The following ARID2 variants were observed in gnomAD, a reference collection of about 807,000 sequenced individuals.
ARID2 encodes the protein AT-rich interaction domain 2.
A neutral mutation model predicts 184.6 loss-of-function variants in ARID2; 32 were observed. The observed-to-expected ratio is 0.17, with a 90% confidence interval of 0.13 to 0.23. The LOEUF (loss-of-function observed/expected upper bound fraction) is 0.23. Among genes scored for constraint, ARID2 ranks in the 10% least tolerant of loss-of-function variants. The pLI, the probability that ARID2 is intolerant of heterozygous loss-of-function variation, is 1.00. For synonymous variants in ARID2, 836 were observed against 772.6 expected, an observed-to-expected ratio of 1.08 and a Z score of -1.36; for missense variants, 1,696 against 2,197.6, an observed-to-expected ratio of 0.77 and a Z score of 4.56.
intron 16 of ARID2, among the ~76,000 whole-genome samples, chr12:45,876,240 A>G (rs1460175269): frequency 1.3e-5 from 2 of 152,232 alleles, no homozygotes; most frequent in African/African-American, 4.8e-5. Flanking sequence ...CAGCCAGTCA[A>G]TGGAGTACTC....
chr12:45,748,945 A>G (rs1941409635), intron 3 of ARID2, among the ~76,000 whole-genome samples: 1 of 152,134 alleles, frequency 6.6e-6, no homozygotes, highest in Admixed American at 6.5e-5. Flanking sequence ...CTCCACTGTA[A>G]TCTTGAAGCC....
intron 16 of ARID2, among the ~76,000 whole-genome samples, chr12:45,866,701 T>C (rs1943836878): frequency 6.6e-6 from 1 of 152,222 alleles, no homozygotes; most frequent in South Asian, 2.1e-4. Flanking sequence ...AAATAGACTA[T>C]TTTGAGAGCA....
chr12:45,741,258 C>T (rs1941249364), intron 3 of ARID2, among the ~76,000 whole-genome samples: 1 of 152,122 alleles, frequency 6.6e-6, no homozygotes, highest in Admixed American at 6.5e-5. Flanking sequence ...AGTACAGTGA[C>T]ACAAATCATG....
chr12:45,807,615 C>A (rs1372857819), intron 3 of ARID2, among the ~76,000 whole-genome samples: 1 of 151,992 alleles, frequency 6.6e-6, no homozygotes, highest in Non-Finnish European at 1.5e-5. Flanking sequence ...AAAATTAGTT[C>A]TAATTTTACA....
Position 45,906,681 on chromosome 12 carries a change from A to G in ARID2, c.*1603A>G, listed in dbSNP as rs928666077. 1 of 231,990 alleles carries G rather than the reference A, an allele frequency of 4.3e-6. No individual in the cohort carries two copies. Among genetic ancestry groups the G allele is most frequent in the Non-Finnish European group, 8.5e-6 (1 of 117,436 alleles). 14.4% of individuals were successfully genotyped at this position (231,990 alleles called of 1,614,324 possible). A position where few individuals can be genotyped will look rare whatever the true frequency, so the allele number is the denominator to read the frequency against. On this transcript the variant is annotated 3_prime_UTR_variant, in exon 21 of 21. Coordinates refer to ENST00000334344, the MANE Select transcript of ARID2 (RefSeq NM_152641.4). Reference sequence around the variant, plus strand: ...TGATAACATATTAAATAGAGAACAAATAAGAGAGGTCCTTTACATGACAAA... The same window carrying G: ...TGATAACATATTAAATAGAGAACAAGTAAGAGAGGTCCTTTACATGACAAA...
chr12:45,818,220 T>C (rs1337846998), intron 5 of ARID2, among the ~76,000 whole-genome samples: 20 of 152,180 alleles, frequency 1.3e-4, no homozygotes, highest in Admixed American at 1.3e-3. Flanking sequence ...CTATTACTGC[T>C]AATGTGTGGC....
intron 3 of ARID2, among the ~76,000 whole-genome samples, chr12:45,776,724 C>A (rs149425752): frequency 2.0e-5 from 3 of 149,722 alleles, no homozygotes; most frequent in Non-Finnish European, 4.4e-5. Flanking sequence ...CCAAGGCGGA[C>A]AGATCGTTTG....
rs56133410 is a variant in ARID2, at chr12:45,735,418, C to CGTGTGTGTGTGTGT, written c.284+4133_284+4146dup. Among the ~76,000 whole-genome samples, 25 of 141,398 alleles carry CGTGTGTGTGTGTGT rather than the reference C, an allele frequency of 1.8e-4. 1 individual carries two copies. Among genetic ancestry groups the CGTGTGTGTGTGTGT allele is most frequent in the Middle Eastern group, 3.6e-3 (1 of 280 alleles). 92.8% of individuals were successfully genotyped at this position (141,398 alleles called of 152,430 possible). A position where few individuals can be genotyped will look rare whatever the true frequency, so the allele number is the denominator to read the frequency against. ...TCAAATTTAACTTTATAAACTGTATCGTGTGTGTGTGTGTGTGTGTGTGTG... is the reference window on the plus strand; with the variant it reads ...TCAAATTTAACTTTATAAACTGTATCGTGTGTGTGTGTGTGTGTGTGTGTGTGTGTGTGTGTGTG... On this transcript the variant is annotated intron_variant, in intron 3 of 20. Coordinates refer to ENST00000334344, the MANE Select transcript of ARID2 (RefSeq NM_152641.4).
chr12:45,734,933 AAG>A (rs1565576089), intron 3 of ARID2, among the ~76,000 whole-genome samples: 1 of 152,280 alleles, frequency 6.6e-6, no homozygotes, highest in South Asian at 2.1e-4. Context: ...TTTTTTTGGA[AAG>A]GGGGTGAAAT....
At chr12:45,896,268 T>TC (rs2136465318) in intron 20 of ARID2, among the ~76,000 whole-genome samples, 1 of 152,264 alleles carries the variant, frequency 6.6e-6, no homozygotes, top group Non-Finnish European at 1.5e-5. Flanking sequence ...GGGCAAGGAT[T>TC]CCCTGTATGC....
chr12:45,899,533 G>GTA (rs1944419527), intron 20 of ARID2, among the ~76,000 whole-genome samples: 1 of 149,544 alleles, frequency 6.7e-6, no homozygotes, highest in Non-Finnish European at 1.5e-5. Context: ...GTGAACACAG[G>GTA]AGGCGGAGCT....
chr12:45,759,594 C>G (rs1941636092), intron 3 of ARID2, among the ~76,000 whole-genome samples: 1 of 152,086 alleles, frequency 6.6e-6, no homozygotes, highest in Non-Finnish European at 1.5e-5. Flanking sequence ...TATGTATATT[C>G]AGCTATGTCC....
intron 10 of ARID2, 112 bp from the exon 11 acceptor site, chr12:45,839,217 T>A: frequency 9.6e-7 from 1 of 1,045,434 alleles, no homozygotes; most frequent in Non-Finnish European, 1.3e-6. Flanking sequence ...CTGTGATTCA[T>A]GGACTAGCAT....
chr12:45,808,572 T>C (rs1284059070), intron 3 of ARID2, among the ~76,000 whole-genome samples: 1 of 152,120 alleles, frequency 6.6e-6, no homozygotes, highest in African/African-American at 2.4e-5. Flanking sequence ...TTTATATATA[T>C]AATATATATG....
At chr12:45,839,151 G>A (rs554851253) in intron 10 of ARID2, among the ~76,000 whole-genome samples, 178 bp from the exon 11 acceptor site, 9 of 151,720 alleles carry the variant, frequency 5.9e-5, no homozygotes, top group East Asian at 1.9e-4. Flanking sequence ...GGTGTGAGCC[G>A]CCACGCCCAG....
At chr12:45,795,272 A>G (rs1222351653) in intron 3 of ARID2, among the ~76,000 whole-genome samples, 5 of 151,952 alleles carry the variant, frequency 3.3e-5, no homozygotes, top group East Asian at 1.9e-4. Flanking sequence ...CCATTGTACA[A>G]TCACCTCAAG....
chr12:45,799,683 T>A (rs548431703), intron 3 of ARID2, among the ~76,000 whole-genome samples: 22 of 152,210 alleles, frequency 1.4e-4, no homozygotes, highest in South Asian at 8.3e-4. Flanking sequence ...AATAAGAGAA[T>A]GGGTTAAGGC....
At position 45,860,867 on chromosome 12, in the gene ARID2, C is replaced by T. The variant is rs142859254; in HGVS notation, c.4840C>T (p.Pro1614Ser). Residue 1614 changes from proline to serine, a missense_variant, in exon 16 of 21, where the codon CCA becomes TCA. By Grantham distance (74) the Pro-to-Ser change is moderately conservative. This residue lies in a region of ARID2 where 111 missense variants were observed against 154.0 expected (regional missense o/e 0.72). Transcript: ENST00000334344. The part of the protein sequence containing the change: ...QGQPNSSQPS[P>S]FSGSSQPGDP... ...CCAGCCTAACAGTTCTCAGCCTTCT[C>T]CATTCAGTGGATCCAGTCAGCCTGG... 6.2e-7 allele frequency: 1 copy of T among 1,608,752 alleles called. No individual in the cohort carries two copies. Among genetic ancestry groups the T allele is most frequent in the Non-Finnish European group, 8.5e-7 (1 of 1,177,522 alleles).
intron 3 of ARID2, among the ~76,000 whole-genome samples, chr12:45,783,840 C>T (rs1592073985): frequency 6.6e-6 from 1 of 151,786 alleles, no homozygotes; most frequent in South Asian, 2.1e-4. Flanking sequence ...CTCAGGTGTT[C>T]TGTTTTAGCA....
Sources: allele counts gnomAD v4.1 joint callset (sites outside exome capture counted in the v4.1 genomes callset), GRCh38; gene constraint gnomAD v4.1.1; regional missense constraint gnomAD v4.1.1; transcripts MANE v1.5; gene names NCBI Gene and HGNC (gene_info 2026-07-23, HGNC 2026-07-21).